Variants in TMEM131L observed in about 807,000 individuals in gnomAD.
TMEM131L encodes the protein transmembrane protein 131-like.
TMEM131L carries 54 observed loss-of-function variants against 192.2 expected under a neutral mutation model. The ratio of observed to expected loss-of-function variants is 0.28; its 90% CI spans 0.23 to 0.35. The LOEUF (loss-of-function observed/expected upper bound fraction) is 0.35. Ranked by LOEUF, TMEM131L falls within the 10% of genes least tolerant of loss-of-function variation. The pLI is 1.00. For missense variants in TMEM131L, 1,888 were observed against 1,972.9 expected, an observed-to-expected ratio of 0.96 and a Z score of 0.82; for synonymous variants, 701 against 704.9, an observed-to-expected ratio of 0.99 and a Z score of 0.09.
chr4:153,497,458 G>A (rs1328562109), intron 3 of TMEM131L, among the ~76,000 whole-genome samples: 1 of 151,990 alleles, frequency 6.6e-6, no homozygotes, highest in Non-Finnish European at 1.5e-5. Flanking sequence ...ACCCTCCCCT[G>A]GCCTCTGAGA....
At chr4:153,525,019 G>T (rs1379465863) in intron 3 of TMEM131L, among the ~76,000 whole-genome samples, 4 of 152,168 alleles carry the variant, frequency 2.6e-5, no homozygotes, top group Non-Finnish European at 4.4e-5. Context: ...TGGATGGCTC[G>T]TGTTTTAGGA....
At chr4:153,550,196 A>C (rs780932081) in intron 4 of TMEM131L, 55 bp downstream of exon 4, 68 of 757,402 alleles carry the variant, frequency 9.0e-5, no homozygotes, top group Non-Finnish European at 1.3e-4. Flanking sequence ...ATTTATTTTC[A>C]GAATTTTTTT....
rs1731623429 is a variant in TMEM131L at position 153,598,744 on chromosome 4, T to C, written c.2266+12T>C. 1 of 1,566,342 alleles carries C rather than the reference T, an allele frequency of 6.4e-7. No homozygotes were observed. The highest frequency in any genetic ancestry group is 1.2e-5 in the South Asian group (1 of 83,430). ...GGACTGCCGTAGACGTGAGTTCATATGTGTGGCACTCTGACAGGGGAGGTT... is the reference window on the plus strand; with the variant it reads ...GGACTGCCGTAGACGTGAGTTCATACGTGTGGCACTCTGACAGGGGAGGTT... On this transcript the variant is annotated intron_variant, in intron 21 of 34. Coordinates refer to ENST00000409959, the MANE Select transcript of TMEM131L (RefSeq NM_001131007.2).
At chr4:153,486,075 C>G (rs1732309559) in intron 3 of TMEM131L, among the ~76,000 whole-genome samples, 1 of 152,084 alleles carries the variant, frequency 6.6e-6, no homozygotes, top group Non-Finnish European at 1.5e-5. Flanking sequence ...TCGAAGGAGA[C>G]TAAGTCCGAG....
intron 23 of TMEM131L, 71 bp from the exon 24 acceptor site, chr4:153,603,232 T>A: frequency 2.3e-6 from 3 of 1,323,850 alleles, no homozygotes; most frequent in Non-Finnish European, 3.1e-6. Context: ...CCCACTCTTC[T>A]GTAATGAAAC....
chr4:153,571,541 C>T (rs978002427), intron 7 of TMEM131L, among the ~76,000 whole-genome samples: 1 of 152,106 alleles, frequency 6.6e-6, no homozygotes, highest in African/African-American at 2.4e-5. Flanking sequence ...AGAACTCAAT[C>T]ATGGTTTCTT....
chr4:153,504,510 C>A (rs890479658), intron 3 of TMEM131L, among the ~76,000 whole-genome samples: 1 of 150,682 alleles, frequency 6.6e-6, no homozygotes, highest in African/African-American at 2.4e-5. Flanking sequence ...TAACTCCTGA[C>A]TTTGTGTGAC....
At chr4:153,606,162 ACT>A (rs979699130) in intron 25 of TMEM131L, among the ~76,000 whole-genome samples, 7 of 152,174 alleles carry the variant, frequency 4.6e-5, no homozygotes, top group African/African-American at 1.7e-4. Context: ...TCTCCCAGAC[ACT>A]CTCTGGGGTC....
intron 3 of TMEM131L, among the ~76,000 whole-genome samples, chr4:153,480,488 C>G (rs1390357982): frequency 6.9e-6 from 1 of 145,820 alleles, no homozygotes; most frequent in Non-Finnish European, 1.5e-5. Context: ...CAACTGCACT[C>G]CAGCCTGGGT....
chr4:153,583,123 A>G, intron 9 of TMEM131L, 67 bp from the exon 10 acceptor site: 1 of 797,498 alleles, frequency 1.3e-6, no homozygotes, highest in South Asian at 1.4e-5. Context: ...AAGGTGTGAG[A>G]ATGAGATGGC....
At chr4:153,558,629 A>G (rs915974144) in intron 7 of TMEM131L, 4 of 225,342 alleles carry the variant, frequency 1.8e-5, no homozygotes, top group Non-Finnish European at 3.4e-5. Context: ...TAGGCCATAT[A>G]CCTATTTTAT....
intron 3 of TMEM131L, among the ~76,000 whole-genome samples, chr4:153,538,779 G>A (rs933752237): frequency 2.6e-5 from 4 of 152,198 alleles, no homozygotes; most frequent in Admixed American, 2.0e-4. Context: ...TCTCCTGAGA[G>A]AGTCTGCAGA....
chr4:153,560,008 C>T (rs1728745430), intron 7 of TMEM131L, among the ~76,000 whole-genome samples: 1 of 152,212 alleles, frequency 6.6e-6, no homozygotes, highest in Non-Finnish European at 1.5e-5. Context: ...TGTTCTCAAC[C>T]TCCACCTCCA....
intron 13 of TMEM131L, 91 bp from the exon 14 acceptor site, chr4:153,586,118 G>A: frequency 1.1e-6 from 1 of 932,058 alleles, no homozygotes; most frequent in African/African-American, 1.7e-5. Flanking sequence ...ACTTTCTGAA[G>A]TATAGAAGAA....
At chr4:153,622,393 C>G (rs891766174) in intron 28 of TMEM131L, among the ~76,000 whole-genome samples, 1 of 152,200 alleles carries the variant, frequency 6.6e-6, no homozygotes, top group African/African-American at 2.4e-5. Flanking sequence ...GACGCATGCC[C>G]CATGTCCCGA....
At position 153,604,405 on chromosome 4, in the gene TMEM131L, G is replaced by T; in HGVS notation, c.3393G>T (p.Leu1131Phe). 3.1e-6 allele frequency: 5 copies of T among 1,598,348 alleles called. No homozygotes were observed. Among genetic ancestry groups the T allele is most frequent in the Non-Finnish European group, 4.3e-6 (5 of 1,174,960 alleles). Reference sequence around the variant, plus strand: ...CACCTCAGTACCACCAGCCAGACTTGCCAGAAATTTCCAGGAAAAATAATG... The same window carrying T: ...CACCTCAGTACCACCAGCCAGACTTTCCAGAAATTTCCAGGAAAAATAATG... ...RNSPQYHQPD[L>F]PEISRKNNGN... The change falls in exon 25 of 35, where the codon TTG becomes TTT. Residue 1131 changes from leucine to phenylalanine, a missense_variant. By Grantham distance (22) the Leu-to-Phe change is conservative. Coordinates refer to ENST00000409959, the MANE Select transcript of TMEM131L (RefSeq NM_001131007.2).
At chr4:153,516,709 C>G (rs1353330813) in intron 3 of TMEM131L, among the ~76,000 whole-genome samples, 1 of 152,122 alleles carries the variant, frequency 6.6e-6, no homozygotes, top group East Asian at 1.9e-4. Flanking sequence ...TACTTGCCCT[C>G]CAGAAAGGTT....
chr4:153,613,703 G>A (rs1160965832), intron 26 of TMEM131L, among the ~76,000 whole-genome samples: 2 of 151,930 alleles, frequency 1.3e-5, no homozygotes, highest in Admixed American at 6.6e-5. Context: ...CCCATCATCT[G>A]TACTGCCGTT....
At chr4:153,497,314 C>T (rs1297585430) in intron 3 of TMEM131L, among the ~76,000 whole-genome samples, 1 of 152,194 alleles carries the variant, frequency 6.6e-6, no homozygotes, top group Non-Finnish European at 1.5e-5. Context: ...ACTGAATCAA[C>T]CTTCCCTAGA....
Sources: allele counts gnomAD v4.1 joint callset (sites outside exome capture counted in the v4.1 genomes callset), GRCh38; gene constraint gnomAD v4.1.1; transcripts MANE v1.5; gene names NCBI Gene and HGNC (gene_info 2026-07-23, HGNC 2026-07-21).